MLLT3: variants seen among roughly 807,000 people sequenced by gnomAD.
The protein encoded by MLLT3 is MLLT3 super elongation complex subunit, also known as protein AF-9.
Under a neutral mutation model 53.2 loss-of-function variants are expected in MLLT3, and 4 were observed. The ratio of observed to expected loss-of-function variants is 0.08; its 90% CI spans 0.04 to 0.17. MLLT3 has a LOEUF of 0.17. MLLT3 is among the 10% of genes least tolerant of loss of function. MLLT3 has a pLI of 1.00. For synonymous variants in MLLT3, 283 were observed against 230.6 expected (o/e 1.23, Z -2.06); for missense variants, 569 against 684.0 (o/e 0.83, Z 1.87).
At chr9:20,477,436 C>T (rs1157852027) in intron 2 of MLLT3, among the ~76,000 whole-genome samples, 3 of 152,028 alleles carry the variant, frequency 2.0e-5, no homozygotes, top group Admixed American at 1.3e-4. Context: ...CTCTCACATC[C>T]CCAACTAAAA....
At chr9:20,511,369 G>A (rs1825529687) in intron 2 of MLLT3, among the ~76,000 whole-genome samples, 1 of 152,060 alleles carries the variant, frequency 6.6e-6, no homozygotes, top group Admixed American at 6.6e-5. Context: ...ATAAAAAATT[G>A]CAATTGCAAT....
chr9:20,565,060 T>C (rs1174085361), intron 2 of MLLT3, among the ~76,000 whole-genome samples: 6 of 152,020 alleles, frequency 3.9e-5, no homozygotes, highest in Non-Finnish European at 1.5e-5. Context: ...TACTGGCATA[T>C]ACAGAGAATC....
intron 2 of MLLT3, among the ~76,000 whole-genome samples, chr9:20,489,042 T>G (rs1295543742): frequency 6.6e-6 from 1 of 152,174 alleles, no homozygotes; most frequent in Non-Finnish European, 1.5e-5. Flanking sequence ...AGTATCTAAG[T>G]GTCAGAAAGA....
intron 2 of MLLT3, among the ~76,000 whole-genome samples, chr9:20,462,068 C>G (rs1215294158): frequency 1.3e-5 from 2 of 152,194 alleles, no homozygotes; most frequent in Non-Finnish European, 2.9e-5. Flanking sequence ...CTGTTCTGCA[C>G]AAGCATCTGG....
intron 2 of MLLT3, among the ~76,000 whole-genome samples, chr9:20,522,519 C>T (rs1236326094): frequency 1.3e-5 from 2 of 151,970 alleles, no homozygotes; most frequent in Non-Finnish European, 2.9e-5. Context: ...TTTTACTACC[C>T]TTTTGAGGTC....
intron 5 of MLLT3, among the ~76,000 whole-genome samples, chr9:20,389,221 G>C (rs182541514): frequency 1.3e-5 from 2 of 152,120 alleles, no homozygotes; most frequent in Non-Finnish European, 2.9e-5. Flanking sequence ...TACAACATAA[G>C]TAAGTCCTGG....
chr9:20,453,010 T>G (rs1289210284), intron 3 of MLLT3, among the ~76,000 whole-genome samples: 2 of 152,180 alleles, frequency 1.3e-5, no homozygotes, highest in African/African-American at 4.8e-5. Context: ...AAACTATATC[T>G]CACATTAGGT....
At chr9:20,612,408 A>C (rs1307479251) in intron 2 of MLLT3, among the ~76,000 whole-genome samples, 2 of 152,206 alleles carry the variant, frequency 1.3e-5, no homozygotes, top group East Asian at 1.9e-4. Flanking sequence ...TTGGTTAAGC[A>C]CATTACTATG....
At chr9:20,586,401 GA>G (rs199546502) in intron 2 of MLLT3, among the ~76,000 whole-genome samples, 2,821 of 135,862 alleles carry the variant, frequency 0.021, 93 homozygotes, top group African/African-American at 0.069. Flanking sequence ...TGACTGGAAA[GA>G]AAAAAAAAAA....
At chr9:20,431,706 T>G (rs61484181) in intron 4 of MLLT3, among the ~76,000 whole-genome samples, 1 of 152,014 alleles carries the variant, frequency 6.6e-6, no homozygotes, top group African/African-American at 2.4e-5. Context: ...AGGTTCATAA[T>G]TGCAAAACCA....
At chr9:20,585,218 T>G (rs1819920876) in intron 2 of MLLT3, among the ~76,000 whole-genome samples, 1 of 152,188 alleles carries the variant, frequency 6.6e-6, no homozygotes, top group Admixed American at 6.5e-5. Flanking sequence ...CTTCTCACCG[T>G]GTCCTCAAAC....
intron 4 of MLLT3, among the ~76,000 whole-genome samples, chr9:20,436,898 A>C (rs1268317689): frequency 6.6e-6 from 1 of 152,188 alleles, no homozygotes; most frequent in Non-Finnish European, 1.5e-5. Flanking sequence ...AACAGCAGTC[A>C]CTGTGCTAAT....
At chr9:20,429,214 A>T (rs1823206670) in intron 4 of MLLT3, among the ~76,000 whole-genome samples, 2 of 152,146 alleles carry the variant, frequency 1.3e-5, no homozygotes, top group South Asian at 2.1e-4. Flanking sequence ...AAAAAGATTT[A>T]AAAATTAGCC....
At chr9:20,512,842 G>C (rs1817789075) in intron 2 of MLLT3, among the ~76,000 whole-genome samples, 1 of 152,198 alleles carries the variant, frequency 6.6e-6, no homozygotes, top group Non-Finnish European at 1.5e-5. Flanking sequence ...GCAGTTTGCA[G>C]AGCCTGTCTT....
intron 5 of MLLT3, among the ~76,000 whole-genome samples, chr9:20,371,723 G>A (rs994126109): frequency 6.6e-6 from 1 of 152,200 alleles, no homozygotes; most frequent in South Asian, 2.1e-4. Context: ...GGAGATTAAT[G>A]TTGTTTTCAT....
At chr9:20,607,769 G>A (rs995260036) in intron 2 of MLLT3, among the ~76,000 whole-genome samples, 14 of 151,832 alleles carry the variant, frequency 9.2e-5, no homozygotes, top group East Asian at 1.9e-4. Context: ...GTTTTCTCAC[G>A]GACTATAAAA....
rs561887294 is a variant in MLLT3, at chr9:20,557,528, C to T, written c.193+63126G>A. On this transcript the variant is annotated intron_variant, in intron 2 of 10. Transcript: ENST00000380338. ...AAAATTTCTACTACAGTGACTATCA[C>T]CACACCTGGTCCAGATTTTTACTGT... is the stretch of plus-strand genomic sequence containing the variant. 2.0e-5 allele frequency among the ~76,000 whole-genome samples: 3 copies of T among 152,294 alleles called. 1 individual carries two copies. Among genetic ancestry groups the T allele is most frequent in the African/African-American group, 7.2e-5 (3 of 41,570 alleles).
At chr9:20,465,097 A>G (rs1824201771) in intron 2 of MLLT3, among the ~76,000 whole-genome samples, 1 of 152,114 alleles carries the variant, frequency 6.6e-6, no homozygotes, top group Non-Finnish European at 1.5e-5. Context: ...AATGTGGACT[A>G]AGGAATACCA....
intron 5 of MLLT3, among the ~76,000 whole-genome samples, chr9:20,389,003 T>A (rs1349610360): frequency 4.6e-5 from 7 of 152,190 alleles, no homozygotes. Context: ...GATCAGAAAG[T>A]AATGTTTCAT....
Sources: gnomAD v4.1 joint callset for allele counts (sites outside exome capture counted in the v4.1 genomes callset) on GRCh38, gnomAD v4.1.1 for gene constraint, MANE v1.5 for transcripts, NCBI Gene and HGNC (gene_info 2026-07-23, HGNC 2026-07-21) for gene names.